DNAH17: variants seen among roughly 807,000 people sequenced by gnomAD.
DNAH17 encodes axonemal beta dynein heavy chain 17.
In DNAH17, 376 loss-of-function variants were observed where a neutral mutation model predicts 485.6. That is an observed-to-expected ratio of 0.77 (90% CI 0.71 to 0.84). The LOEUF is 0.84. Ranked by LOEUF, DNAH17 falls within the 40% of genes least tolerant of loss-of-function variation. DNAH17 has a pLI of 0.00. For missense variants in DNAH17, 6,370 were observed against 5,839.3 expected, an observed-to-expected ratio of 1.09 and a Z score of -2.96; for synonymous variants, 3,031 against 2,405.9, an observed-to-expected ratio of 1.26 and a Z score of -7.60.
chr17:78,462,600 C>T (rs2088191007), intron 57 of DNAH17, among the ~76,000 whole-genome samples: 1 of 152,224 alleles, frequency 6.6e-6, no homozygotes, highest in Non-Finnish European at 1.5e-5. Flanking sequence ...GTGCCATCCC[C>T]TGTGTAATGC....
rs112772580 is a variant in DNAH17, at chr17:78,508,969, GT to G, written c.4237-1165del. On this transcript the variant is annotated intron_variant, in intron 27 of 80. Coordinates refer to ENST00000389840, the MANE Select transcript of DNAH17 (RefSeq NM_173628.4). ...GGTGTGTGTCATCATGTGCCCAGCT[GT>G]TTTTTTTTTTTTTTGAGATGGAGTC... 1.7e-3 allele frequency among the ~76,000 whole-genome samples: 164 copies of G among 98,796 alleles called. 2 individuals are homozygous for G. Among genetic ancestry groups the G allele is most frequent in the African/African-American group, 5.8e-3 (132 of 22,882 alleles). The allele number at this position is 98,796 out of a possible 152,430, so 64.8% of individuals were successfully genotyped here.
intron 26 of DNAH17, chr17:78,510,751 G>GCAC (rs5822246): frequency 7.9e-6 from 3 of 378,308 alleles, no homozygotes; most frequent in South Asian, 7.5e-5. Context: ...CGGAATTGCG[G>GCAC]CCCCCCCGCA....
At chr17:78,502,500 G>T (rs1057135122) in intron 33 of DNAH17, 91 bp downstream of exon 33, 2 of 1,241,838 alleles carry the variant, frequency 1.6e-6, no homozygotes, top group Non-Finnish European at 1.1e-6. Flanking sequence ...CCAGGTACTC[G>T]CCCGGCAGGT....
chr17:78,550,033 C>A (rs146084948), intron 16 of DNAH17, among the ~76,000 whole-genome samples: 1 of 152,188 alleles, frequency 6.6e-6, no homozygotes, highest in African/African-American at 2.4e-5. Flanking sequence ...AGAAGCCACA[C>A]GTGCAGAGAC....
At chr17:78,424,209 C>T (rs2086286019) in intron 80 of DNAH17, 56 bp from the exon 81 acceptor site, 1 of 1,556,180 alleles carries the variant, frequency 6.4e-7, no homozygotes, top group South Asian at 1.2e-5. Context: ...GAGGGAGGGG[C>T]TGGCAGGAAG....
intron 31 of DNAH17, 115 bp downstream of exon 31, chr17:78,505,178 G>A: frequency 7.3e-7 from 1 of 1,371,574 alleles, no homozygotes; most frequent in Non-Finnish European, 9.9e-7. Flanking sequence ...GCAGGGGCGG[G>A]CTGGCAGCTG....
At position 78,437,743 on chromosome 17, in the gene DNAH17, G is replaced by A. The variant is rs2086897396; in HGVS notation, c.11931C>T (p.His3977=). ...TCTCCAGAATGCCCTGGGGGATGAT[G>A]TGGGTCTCGGGGCTGGGGGCAGGCT... is the stretch of plus-strand genomic sequence containing the variant. The part of the protein sequence containing the change: ...SAEPAPSPET[H]IIPQGILENA... The change falls in exon 74 of 81, where the codon CAC becomes CAT. Residue 3977 remains histidine, a synonymous_variant. Transcript: ENST00000389840. 6.2e-7 allele frequency: 1 copy of A among 1,612,640 alleles called. No homozygotes were observed. The highest frequency in any genetic ancestry group is 8.5e-7 in the Non-Finnish European group (1 of 1,179,774).
Position 78,486,230 on chromosome 17 carries a change from C to T in DNAH17, c.7095G>A (p.Gln2365=). Residue 2365 remains glutamine (Q), a synonymous_variant, in exon 45 of 81, where the codon CAG becomes CAA. Coordinates refer to ENST00000389840, the MANE Select transcript of DNAH17 (RefSeq NM_173628.4). Reference sequence around the variant, plus strand: ...GGCCCCCCAGGTGCATCACCTGGTCCTGGAACATGGCGCCACCGAAGGCCC... The same window carrying T: ...GGCCCCCCAGGTGCATCACCTGGTCTTGGAACATGGCGCCACCGAAGGCCC... ...CFWAFGGAMF[Q]DQLVDYRVEF... is the part of the protein sequence containing the mutation. The T allele has an allele frequency of 1.3e-6, 2 of 1,588,622 alleles. No homozygotes were observed. Among genetic ancestry groups the T allele is most frequent in the Non-Finnish European group, 1.7e-6 (2 of 1,164,720 alleles).
At chr17:78,571,059 A>T in intron 5 of DNAH17, 26 bp from the exon 6 acceptor site, 1 of 1,552,780 alleles carries the variant, frequency 6.4e-7, no homozygotes, top group Non-Finnish European at 8.7e-7. Context: ...ACAAGTGCCC[A>T]CCGGTAAGAG....
intron 52 of DNAH17, 175 bp from the exon 53 acceptor site, chr17:78,476,008 A>G: frequency 1.5e-6 from 1 of 656,206 alleles, no homozygotes; most frequent in Non-Finnish European, 2.6e-6. Flanking sequence ...ACTGGGGCAA[A>G]ATTTCCTAGA....
chr17:78,449,220 C>A (rs1001995208), intron 69 of DNAH17, among the ~76,000 whole-genome samples, 194 bp downstream of exon 69: 1 of 152,202 alleles, frequency 6.6e-6, no homozygotes, highest in Non-Finnish European at 1.5e-5. Flanking sequence ...CAAATATCAA[C>A]TAGGAGAGCC....
chr17:78,569,204 T>G lies in DNAH17; in HGVS notation c.1246A>C (p.Arg416=). 6.2e-7 allele frequency: 1 copy of G among 1,608,942 alleles called. No homozygotes were observed. Among genetic ancestry groups the G allele is most frequent in the Non-Finnish European group, 8.5e-7 (1 of 1,177,668 alleles). ...WEFPSSLAFS[R]INSFFQRIQT... ...ATGCGCTGGAAGAAGGAATTTATCCTGGAAAAGGCAAGAGAAGAAGGGAAT... is the reference window on the plus strand; with the variant it reads ...ATGCGCTGGAAGAAGGAATTTATCCGGGAAAAGGCAAGAGAAGAAGGGAAT... The change falls in exon 9 of 81, where the codon AGG becomes CGG. Residue 416 remains arginine, a synonymous_variant. Transcript: ENST00000389840.
In DNAH17 at chr17:78,449,576, G is replaced by A. The variant is rs541529484; in HGVS notation, c.11049C>T (p.Asn3683=). The change falls in exon 69 of 81, where the codon AAC becomes AAT. Residue 3683 remains asparagine (N), a synonymous_variant. Transcript: ENST00000389840. ...TCTGGATGGCTTTCTCAAACACCACGTTGAAGGCCTGGGGATCCGCCACCG... is the reference window on the plus strand; with the variant it reads ...TCTGGATGGCTTTCTCAAACACCACATTGAAGGCCTGGGGATCCGCCACCG... ...PVYQFSLKAF[N]VVFEKAIQRT... The A allele has an allele frequency of 8.7e-6, 14 of 1,604,522 alleles. 1 individual carries two copies. The highest frequency in any genetic ancestry group is 1.7e-4 in the Middle Eastern group (1 of 6,044).
intron 73 of DNAH17, among the ~76,000 whole-genome samples, chr17:78,438,124 A>T (rs1943770853): frequency 6.6e-6 from 1 of 151,856 alleles, no homozygotes; most frequent in African/African-American, 2.4e-5. Flanking sequence ...CTCCAGCCTT[A>T]CGGTGAGTCC....
chr17:78,460,206 G>A lies in DNAH17; in HGVS notation c.9391C>T (p.Pro3131Ser), dbSNP rs570114146. The A allele has an allele frequency of 1.2e-5, 20 of 1,609,030 alleles. No individual in the cohort carries two copies. In the South Asian group the frequency reaches 2.2e-4, roughly 18 times the overall value. The part of the protein sequence containing the change: ...ACETDLAKAE[P>S]ALLAAQEALD... ...GCCTCCTGGGCTGCCAGCAGGGCCGGTTCTGCTTTGGCCAGGTCTGTTTCA... is the reference window on the plus strand; with the variant it reads ...GCCTCCTGGGCTGCCAGCAGGGCCGATTCTGCTTTGGCCAGGTCTGTTTCA... The change falls in exon 59 of 81, where the codon CCG (proline) becomes TCG (serine). Residue 3131 changes from proline to serine, a missense_variant. Transcript: ENST00000389840.
At chr17:78,468,953 C>T in intron 54 of DNAH17, 70 bp from the exon 55 acceptor site, 1 of 1,532,932 alleles carries the variant, frequency 6.5e-7, no homozygotes, top group Non-Finnish European at 8.8e-7. Context: ...CCTCCACAAC[C>T]AACCAGAGCA....
intron 80 of DNAH17, 194 bp downstream of exon 80, chr17:78,425,152 C>G (rs894951723): frequency 2.2e-5 from 13 of 591,718 alleles, no homozygotes; most frequent in Non-Finnish European, 3.9e-5. Flanking sequence ...CCTGCACATT[C>G]CCTGAATCCT....
At chr17:78,568,846 T>G (rs1186204113) in intron 9 of DNAH17, among the ~76,000 whole-genome samples, 1 of 152,206 alleles carries the variant, frequency 6.6e-6, no homozygotes, top group African/African-American at 2.4e-5. Flanking sequence ...TTGTAATAAT[T>G]GAGTCCCACT....
At chr17:78,552,863 C>T (rs2091934489) in intron 14 of DNAH17, 58 bp from the exon 15 acceptor site, 1 of 1,215,092 alleles carries the variant, frequency 8.2e-7, no homozygotes, top group Admixed American at 1.7e-5. Context: ...AAATTGTTCT[C>T]TGGTAAGGAC....
Sources: allele counts gnomAD v4.1 joint callset (sites outside exome capture counted in the v4.1 genomes callset), GRCh38; gene constraint gnomAD v4.1.1; transcripts MANE v1.5; gene names NCBI Gene and HGNC (gene_info 2026-07-23, HGNC 2026-07-21).